Variants in MCTP2 observed in about 807,000 individuals in gnomAD.
MCTP2 encodes the protein multiple C2 and transmembrane domain containing 2, also known as multiple C2 and transmembrane domain-containing protein 2.
In MCTP2, 132 loss-of-function variants were observed where a neutral mutation model predicts 111.6. The ratio of observed to expected loss-of-function variants is 1.18; its 90% CI spans 1.03 to 1.37. The LOEUF (loss-of-function observed/expected upper bound fraction) is 1.37, where lower values mean the gene tolerates loss of function less well. Among genes scored for constraint, MCTP2 ranks in the 40% most tolerant of loss-of-function variants. The pLI, the probability that MCTP2 is intolerant of heterozygous loss-of-function variation, is 0.00. For synonymous variants in MCTP2, 395 were observed against 387.7 expected (o/e 1.02, Z -0.22); for missense variants, 1,183 against 1,067.9 (o/e 1.11, Z -1.50).
rs543775470 is a variant in MCTP2 at position 94,281,075 on chromosome 15, G to C, written c.-65-17126G>C. Among the ~76,000 whole-genome samples the C allele has an allele frequency of 1.4e-4, 22 of 152,234 alleles. No individual in the cohort carries two copies. The South Asian group carries it at 3.1e-3, about 21-fold the overall frequency. ...TGGTTGGAGTATTCTGTAGAAGTCT[G>C]TTAGGTCCATTTGGTCAAGTGTTGA... On this transcript the variant is annotated intron_variant, in intron 1 of 22. Transcript: ENST00000357742.
chr15:94,300,326 G>A (rs979939267), intron 2 of MCTP2, among the ~76,000 whole-genome samples: 3 of 151,894 alleles, frequency 2.0e-5, no homozygotes, highest in African/African-American at 4.8e-5. Context: ...TAGCTAACAC[G>A]GTGAAACCCC....
At chr15:94,289,677 A>G (rs774610924) in intron 1 of MCTP2, among the ~76,000 whole-genome samples, 13 of 152,186 alleles carry the variant, frequency 8.5e-5, no homozygotes, top group Non-Finnish European at 1.6e-4. Flanking sequence ...TTTTCACTGT[A>G]TTTAGATGTA....
chr15:94,404,304 G>GTTTTTTTTTTTT (rs796532680), intron 17 of MCTP2, among the ~76,000 whole-genome samples: 1 of 136,942 alleles, frequency 7.3e-6, no homozygotes. Context: ...ATTTTTTATT[G>GTTTTTTTTTTTT]TTTTTTTTTT....
intron 14 of MCTP2, 44 bp from the exon 15 acceptor site, chr15:94,398,917 A>C (rs2081411852): frequency 8.4e-7 from 1 of 1,188,076 alleles, no homozygotes; most frequent in East Asian, 2.3e-5. Context: ...TAAACCACAT[A>C]GTAATTTTGC....
Position 94,298,222 on chromosome 15 carries a change from G to T in MCTP2, c.-44G>T. 4 of 1,432,586 alleles carry T rather than the reference G, an allele frequency of 2.8e-6. No individual in the cohort carries two copies. Among genetic ancestry groups the T allele is most frequent in the Non-Finnish European group, 3.8e-6 (4 of 1,057,060 alleles). 88.7% of individuals were successfully genotyped at this position (1,432,586 alleles called of 1,614,324 possible). ...ATAGGAGTCATTGCAGTTTTCAGTAGAGGTGTACTTCTGAGAAGTGGCTTC... is the reference window on the plus strand; with the variant it reads ...ATAGGAGTCATTGCAGTTTTCAGTATAGGTGTACTTCTGAGAAGTGGCTTC... On this transcript the variant is annotated 5_prime_UTR_variant, in exon 2 of 23. Transcript: ENST00000357742.
At chr15:94,255,469 C>T (rs998667683) in intron 1 of MCTP2, among the ~76,000 whole-genome samples, 4 of 141,598 alleles carry the variant, frequency 2.8e-5, no homozygotes, top group South Asian at 2.4e-4. Flanking sequence ...GTTTGACTTT[C>T]GTCATAGCAC....
chr15:94,466,337 C>A (rs1385285176), intron 20 of MCTP2, among the ~76,000 whole-genome samples: 3 of 152,044 alleles, frequency 2.0e-5, no homozygotes, highest in Admixed American at 6.6e-5. Flanking sequence ...ACTCAAACAT[C>A]ATAGTTGATG....
At chr15:94,420,510 G>T (rs1225077715) in intron 17 of MCTP2, among the ~76,000 whole-genome samples, 2 of 152,156 alleles carry the variant, frequency 1.3e-5, no homozygotes, top group Non-Finnish European at 2.9e-5. Flanking sequence ...TTCATGGGAG[G>T]AGGTTAAAAT....
chr15:94,447,730 T>A (rs1025502059), intron 19 of MCTP2, among the ~76,000 whole-genome samples: 3 of 152,188 alleles, frequency 2.0e-5, no homozygotes, highest in African/African-American at 7.2e-5. Context: ...GATTAGTAAT[T>A]TTTTAAACTA....
intron 17 of MCTP2, among the ~76,000 whole-genome samples, chr15:94,434,369 C>T (rs2083351611): frequency 7.2e-6 from 1 of 138,418 alleles, no homozygotes; most frequent in Non-Finnish European, 1.6e-5. Context: ...TGAGCCACCA[C>T]TCCCAGCCTA....
At chr15:94,454,713 A>T (rs2084694234) in intron 19 of MCTP2, among the ~76,000 whole-genome samples, 1 of 152,122 alleles carries the variant, frequency 6.6e-6, no homozygotes, top group Admixed American at 6.5e-5. Flanking sequence ...AATGGAAGTG[A>T]ATTTTTTTTT....
chr15:94,402,239 G>A (rs2081634282), intron 17 of MCTP2: 2 of 943,088 alleles, frequency 2.1e-6, no homozygotes, highest in African/African-American at 3.6e-5. Flanking sequence ...ATGTTTAAAT[G>A]TTTCTCCAGT....
chr15:94,406,148 A>T (rs1024611423), intron 17 of MCTP2, among the ~76,000 whole-genome samples: 3 of 152,220 alleles, frequency 2.0e-5, no homozygotes, highest in Admixed American at 2.0e-4. Context: ...TATTATTCAT[A>T]GTTCATGTTA....
Position 94,337,686 on chromosome 15 carries a change from C to T in MCTP2, c.638-1604C>T, listed in dbSNP as rs371185284. 7.4e-4 allele frequency among the ~76,000 whole-genome samples: 98 copies of T among 132,752 alleles called. 1 individual carries two copies. Among genetic ancestry groups the T allele is most frequent in the African/African-American group, 2.6e-3 (89 of 33,636 alleles). The allele number at this position is 132,752 out of a possible 152,430, so 87.1% of individuals were successfully genotyped here. A position where few individuals can be genotyped will look rare whatever the true frequency, so the allele number is the denominator to read the frequency against. On this transcript the variant is annotated intron_variant, in intron 4 of 22. Transcript: ENST00000357742. ...AACACGGTGTGTGTGTGTGTGTGTG[C>T]GCGCGCATGCACGCGCGTGTGCATG...
chr15:94,314,938 C>T (rs74424819), intron 3 of MCTP2: 4,935 of 357,636 alleles, frequency 0.014, 201 homozygotes, highest in African/African-American at 0.093. Flanking sequence ...GTGGAAAAGC[C>T]GGGAGAGCAC....
chr15:94,253,511 A>T (rs2072575770), intron 1 of MCTP2, among the ~76,000 whole-genome samples: 1 of 152,148 alleles, frequency 6.6e-6, no homozygotes, highest in Admixed American at 6.5e-5. Flanking sequence ...TTTGTGGTCT[A>T]GCCTTTATCA....
At chr15:94,254,647 TTGAGC>T (rs2072651524) in intron 1 of MCTP2, among the ~76,000 whole-genome samples, 1 of 152,212 alleles carries the variant, frequency 6.6e-6, no homozygotes, top group Non-Finnish European at 1.5e-5. Flanking sequence ...GTGGATGAAA[TTGAGC>T]TCAGTGCAAC....
chr15:94,232,636 C>T (rs367563678), intron 1 of MCTP2, among the ~76,000 whole-genome samples: 41 of 152,242 alleles, frequency 2.7e-4, no homozygotes, highest in African/African-American at 8.2e-4. Flanking sequence ...TGTTGGGTAG[C>T]ACAGGTGTTG....
chr15:94,455,950 G>C (rs776902275), intron 19 of MCTP2, among the ~76,000 whole-genome samples: 1 of 152,050 alleles, frequency 6.6e-6, no homozygotes, highest in Non-Finnish European at 1.5e-5. Flanking sequence ...ATCATTCTTC[G>C]TGTGTCATTT....
Sources: allele counts gnomAD v4.1 joint callset (sites outside exome capture counted in the v4.1 genomes callset), GRCh38; gene constraint gnomAD v4.1.1; transcripts MANE v1.5; gene names NCBI Gene and HGNC (gene_info 2026-07-23, HGNC 2026-07-21).